Variants in ISY1 observed in about 807,000 individuals in gnomAD.
ISY1 encodes pre-mRNA-splicing factor ISY1 homolog.
Under a neutral mutation model 54.4 loss-of-function variants are expected in ISY1, and 12 were observed. The ratio of observed to expected loss-of-function variants is 0.22; its 90% CI spans 0.14 to 0.36. The LOEUF (loss-of-function observed/expected upper bound fraction) is 0.36, where lower values mean the gene tolerates loss of function less well. Among genes scored for constraint, ISY1 ranks in the 10% least tolerant of loss-of-function variants. The pLI, the probability that ISY1 is intolerant of heterozygous loss-of-function variation, is 1.00. For missense variants in ISY1, 282 were observed against 342.2 expected (o/e 0.82, Z 1.39); for synonymous variants, 96 against 117.9 (o/e 0.81, Z 1.20).
chr3:129,152,718 G>A (rs1314536623), intron 5 of ISY1, among the ~76,000 whole-genome samples: 3 of 151,950 alleles, frequency 2.0e-5, no homozygotes, highest in Non-Finnish European at 2.9e-5. Flanking sequence ...ACATTGCTAG[G>A]TTTGATATGC....
intron 7 of ISY1, among the ~76,000 whole-genome samples, chr3:129,139,533 G>A (rs890424470): frequency 1.3e-5 from 2 of 152,018 alleles, no homozygotes; most frequent in Non-Finnish European, 1.5e-5. Context: ...AATCAAAACC[G>A]ACTAAAACTC....
chr3:129,149,584 TAAAAAAAAAA>T (rs149839273), intron 5 of ISY1, among the ~76,000 whole-genome samples: 3 of 16,672 alleles, frequency 1.8e-4, no homozygotes, highest in East Asian at 2.3e-3. Flanking sequence ...CCGTCTCTAC[TAAAAAAAAAA>T]AAAAAAAAAA....
At chr3:129,134,290 GA>G in intron 8 of ISY1, 95 bp from the exon 9 acceptor site, 1 of 1,576,610 alleles carries the variant, frequency 6.3e-7, no homozygotes, top group Non-Finnish European at 8.6e-7. Flanking sequence ...GGAAAGTCTA[GA>G]CATCCCCTCT....
chr3:129,157,009 A>AG, intron 3 of ISY1, 89 bp from the exon 4 acceptor site: 1 of 1,423,706 alleles, frequency 7.0e-7, no homozygotes, highest in Non-Finnish European at 9.7e-7. Context: ...AGCCTAAATC[A>AG]TCTAATGGCC....
chr3:129,156,892 C>T lies in ISY1; in HGVS notation c.107G>A (p.Cys36Tyr). Residue 36 changes from cysteine to tyrosine, a missense_variant, in exon 4 of 11, where the codon TGT (cysteine) becomes TAT (tyrosine). Transcript: ENST00000393295. ...CTTCTCAGCTTTAGGCAGTTCAGTA[C>T]ATTCTGAGGCCAGAAAGGGTCTTCG... The part of the protein sequence containing the change: ...KERRPFLASE[C>Y]TELPKAEKWR... The T allele has an allele frequency of 1.2e-6, 2 of 1,614,046 alleles. No individual in the cohort carries two copies. Among genetic ancestry groups the T allele is most frequent in the Non-Finnish European group, 1.7e-6 (2 of 1,179,968 alleles).
rs369724895 is a variant in ISY1 at position 129,157,324 on chromosome 3, G to C, written c.79-404C>G. The stretch of plus-strand genomic sequence containing the variant: ...AATGGTATATATTATCTCTAATTTG[G>C]GTGAGTCTCTAAGAAATGAAATAAT... On this transcript the variant is annotated intron_variant, in intron 3 of 10. Transcript: ENST00000393295. Among the ~76,000 whole-genome samples, 26 of 151,918 alleles carry C rather than the reference G, an allele frequency of 1.7e-4. 3 individuals are homozygous for C. Among genetic ancestry groups the C allele is most frequent in the Admixed American group, 5.9e-4 (9 of 15,234 alleles).
rs957448368 is a variant in ISY1 at position 129,134,876 on chromosome 3, T to A, written c.497A>T (p.Asp166Val). 1.9e-6 allele frequency: 3 copies of A among 1,611,426 alleles called. No homozygotes were observed. Among genetic ancestry groups the A allele is most frequent in the Non-Finnish European group, 8.5e-7 (1 of 1,178,154 alleles). Residue 166 changes from aspartate to valine, a missense_variant, in exon 8 of 11, where the codon GAT (aspartate) becomes GTT (valine). Transcript: ENST00000393295. The stretch of plus-strand genomic sequence containing the variant: ...TTCCAAAGGCACAATAACACCATCA[T>A]CTTCATCTAGGTAACCATAGTACTC... ...DFEYYGYLDEDDGVIVPLEQE... is the reference protein window; with the variant it reads ...DFEYYGYLDEVDGVIVPLEQE...
intron 6 of ISY1, among the ~76,000 whole-genome samples, chr3:129,144,658 TA>T (rs1936719380): frequency 6.6e-6 from 1 of 152,110 alleles, no homozygotes; most frequent in African/African-American, 2.4e-5. Flanking sequence ...TAGAACAGAA[TA>T]AAAAATATAC....
intron 5 of ISY1, among the ~76,000 whole-genome samples, chr3:129,151,302 G>T (rs570855386): frequency 6.6e-5 from 10 of 151,708 alleles, no homozygotes; most frequent in African/African-American, 2.4e-4. Flanking sequence ...AAGTCTTTCT[G>T]TAGGTTCCTT....
At chr3:129,154,302 C>G (rs1451599873) in intron 5 of ISY1, among the ~76,000 whole-genome samples, 1 of 146,928 alleles carries the variant, frequency 6.8e-6, no homozygotes, top group Non-Finnish European at 1.5e-5. Context: ...GTAATCCCAG[C>G]TACTCGGGAG....
At chr3:129,131,062 A>G (rs1936223529) in intron 9 of ISY1, among the ~76,000 whole-genome samples, 2 of 152,218 alleles carry the variant, frequency 1.3e-5, no homozygotes, top group South Asian at 4.1e-4. Context: ...TCTAATAACA[A>G]AGAAAACACC....
chr3:129,154,439 C>CA (rs58548903), intron 5 of ISY1, among the ~76,000 whole-genome samples: 6,455 of 31,326 alleles, frequency 0.21, 807 homozygotes, highest in East Asian at 0.54. Context: ...GACTCCATCT[C>CA]AAAAAAAAAA....
At position 129,127,910 on chromosome 3, in the gene ISY1, T is replaced by C. The variant is rs1455003863; in HGVS notation, c.*2171A>G. On this transcript the variant is annotated 3_prime_UTR_variant, in exon 11 of 11. Transcript: ENST00000393295. The stretch of plus-strand genomic sequence containing the variant: ...TCTGGATTCCCCATTCTCTTCTGAA[T>C]GCCAGGAAGCACCAGAGTGCGCGTG... 1 of 152,240 alleles carries C rather than the reference T, an allele frequency of 6.6e-6. No homozygotes were observed. The highest frequency in any genetic ancestry group is 2.4e-5 in the African/African-American group (1 of 41,452). 9.4% of individuals were successfully genotyped at this position (152,240 alleles called of 1,614,324 possible).
chr3:129,140,642 C>G (rs1007947568), intron 6 of ISY1, among the ~76,000 whole-genome samples, 157 bp from the exon 7 acceptor site: 1 of 152,174 alleles, frequency 6.6e-6, no homozygotes, highest in Non-Finnish European at 1.5e-5. Flanking sequence ...GTAGCACAAT[C>G]TCACTGCAAC....
intron 5 of ISY1, among the ~76,000 whole-genome samples, chr3:129,146,460 T>C (rs1215553203): frequency 6.6e-6 from 1 of 151,984 alleles, no homozygotes; most frequent in Non-Finnish European, 1.5e-5. Context: ...CCCTAATATG[T>C]TGAAATGAAA....
chr3:129,152,239 C>T (rs1235883307), intron 5 of ISY1, among the ~76,000 whole-genome samples: 3 of 152,066 alleles, frequency 2.0e-5, no homozygotes, highest in East Asian at 1.9e-4. Flanking sequence ...CATGAATAAA[C>T]GTCTAATTTT....
chr3:129,160,918 G>GCCCCCCACC, intron 1 of ISY1, 55 bp downstream of exon 1: 1 of 666,124 alleles, frequency 1.5e-6, no homozygotes, highest in South Asian at 1.6e-5. Flanking sequence ...TGGACTGGGC[G>GCCCCCCACC]CCCCCCCGCC....
intron 8 of ISY1, 146 bp from the exon 9 acceptor site, chr3:129,134,341 T>G: frequency 6.9e-7 from 1 of 1,451,202 alleles, no homozygotes; most frequent in Non-Finnish European, 9.3e-7. Context: ...TGGGTGGAAA[T>G]GGATGTGAAG....
At chr3:129,133,989 T>C in intron 9 of ISY1, 85 bp downstream of exon 9, 2 of 1,588,402 alleles carry the variant, frequency 1.3e-6, no homozygotes, top group Non-Finnish European at 1.7e-6. Context: ...CCTGACTCTG[T>C]ATTTGGGAGC....
Sources: allele counts gnomAD v4.1 joint callset (sites outside exome capture counted in the v4.1 genomes callset), GRCh38; gene constraint gnomAD v4.1.1; transcripts MANE v1.5; gene names NCBI Gene and HGNC (gene_info 2026-07-23, HGNC 2026-07-21).